Variants in METTL4 observed in about 807,000 individuals in gnomAD.
METTL4 encodes N(6)-adenine-specific methyltransferase METTL4.
In METTL4, 40 loss-of-function variants were observed where a neutral mutation model predicts 54.0. The ratio of observed to expected loss-of-function variants is 0.74; its 90% confidence interval spans 0.58 to 0.96. The LOEUF (loss-of-function observed/expected upper bound fraction) is 0.96, where lower values mean the gene tolerates loss of function less well. Ranked by LOEUF, METTL4 falls within the 50% of genes least tolerant of loss-of-function variation. The pLI is 0.00. For synonymous variants in METTL4, 169 were observed against 183.8 expected (o/e 0.92, Z 0.65); for missense variants, 525 against 549.0 (o/e 0.96, Z 0.44).
chr18:2,565,912 T>C (rs1193305178), intron 2 of METTL4, among the ~76,000 whole-genome samples: 2 of 151,964 alleles, frequency 1.3e-5, no homozygotes, highest in African/African-American at 4.8e-5. Context: ...CCAGGCGTGG[T>C]GGCAAGCGCC....
At chr18:2,557,573 G>C (rs2072257296) in intron 3 of METTL4, among the ~76,000 whole-genome samples, 1 of 152,174 alleles carries the variant, frequency 6.6e-6, no homozygotes, top group African/African-American at 2.4e-5. Flanking sequence ...TCTCCCTCTG[G>C]GGCAAAAGGT....
chr18:2,571,488 G>A lies in METTL4; in HGVS notation c.-778C>T, dbSNP rs959005037. 6.6e-6 allele frequency: 1 copy of A among 152,238 alleles called. No homozygotes were observed. The highest frequency in any genetic ancestry group is 1.5e-5 in the Non-Finnish European group (1 of 68,048). 9.4% of individuals were successfully genotyped at this position (152,238 alleles called of 1,614,324 possible). On this transcript the variant is annotated 5_prime_UTR_variant, in exon 1 of 9. Coordinates refer to ENST00000574538, the MANE Select transcript of METTL4 (RefSeq NM_022840.5). ...CGCGACCAGCACGCAGCCTTCCAGC[G>A]ACGAGGCGGTCGCATGGAAGTTACT... is the stretch of plus-strand genomic sequence containing the variant.
At chr18:2,565,916 A>G (rs555924227) in intron 2 of METTL4, among the ~76,000 whole-genome samples, 32 of 152,028 alleles carry the variant, frequency 2.1e-4, no homozygotes, top group Admixed American at 3.3e-4. Flanking sequence ...GCGTGGTGGC[A>G]AGCGCCTGTA....
At chr18:2,555,714 C>T (rs1165706790) in intron 3 of METTL4, among the ~76,000 whole-genome samples, 1 of 152,102 alleles carries the variant, frequency 6.6e-6, no homozygotes, top group Non-Finnish European at 1.5e-5. Flanking sequence ...CCAAGTTCCC[C>T]TTCTGGACAA....
chr18:2,546,705 G>C (rs2072075141), intron 6 of METTL4, among the ~76,000 whole-genome samples: 1 of 152,096 alleles, frequency 6.6e-6, no homozygotes, highest in African/African-American at 2.4e-5. Flanking sequence ...AAGGAAACCT[G>C]ATGAACTCTA....
At chr18:2,551,371 G>T (rs1305247509) in intron 5 of METTL4, among the ~76,000 whole-genome samples, 1 of 151,898 alleles carries the variant, frequency 6.6e-6, no homozygotes, top group Non-Finnish European at 1.5e-5. Flanking sequence ...ACAGAAAACA[G>T]ATACATGAAT....
In METTL4 at chr18:2,537,828, C is replaced by A; in HGVS notation, c.*1172G>T. 2.5e-6 allele frequency: 1 copy of A among 398,374 alleles called. No homozygotes were observed. Among genetic ancestry groups the A allele is most frequent in the Non-Finnish European group, 4.4e-6 (1 of 225,950 alleles). 24.7% of individuals were successfully genotyped at this position (398,374 alleles called of 1,614,324 possible). ...GCCAGGCACAATAGATTACACATTG[C>A]ATGATTCCATTTATATGAAATTCTC... On this transcript the variant is annotated 3_prime_UTR_variant, in exon 9 of 9. Coordinates refer to ENST00000574538, the MANE Select transcript of METTL4 (RefSeq NM_022840.5).
intron 5 of METTL4, among the ~76,000 whole-genome samples, chr18:2,549,891 G>A (rs1454558261): frequency 1.3e-5 from 2 of 150,634 alleles, no homozygotes; most frequent in Non-Finnish European, 1.5e-5. Flanking sequence ...CTACTCAGGA[G>A]GCTAAGGCAG....
intron 3 of METTL4, among the ~76,000 whole-genome samples, chr18:2,559,969 A>G (rs2072292201): frequency 6.6e-6 from 1 of 152,126 alleles, no homozygotes; most frequent in Admixed American, 6.6e-5. Flanking sequence ...AATTCCTAAC[A>G]TCAAGTGATC....
Position 2,567,373 on chromosome 18 carries a change from AGAGAATTTAT to A in METTL4, c.-167_-158del. The A allele has an allele frequency of 1.9e-6, 1 of 536,280 alleles. No homozygotes were observed. The highest frequency in any genetic ancestry group is 3.7e-5 in the Admixed American group (1 of 26,930). The allele number at this position is 536,280 out of a possible 1,614,324, so 33.2% of individuals were successfully genotyped here. ...TACAAAAACCTGACATGCACATTGA[AGAGAATTTAT>A]CATTCATGATGTTAATATATACAGA... is the stretch of plus-strand genomic sequence containing the variant. On this transcript the variant is annotated 5_prime_UTR_variant, in exon 2 of 9. The change creates a premature stop within an existing upstream ORF in the 5' untranslated region. Transcript: ENST00000574538.
At position 2,567,146 on chromosome 18, in the gene METTL4, T is replaced by G. The variant is rs776880871; in HGVS notation, c.71A>C (p.Tyr24Ser). The G allele has an allele frequency of 1.2e-6, 2 of 1,614,048 alleles. No individual in the cohort carries two copies. The highest frequency in any genetic ancestry group is 1.7e-5 in the Admixed American group (1 of 60,016). The change falls in exon 2 of 9, where the codon TAT becomes TCT. Residue 24 changes from tyrosine to serine, a missense_variant. Physicochemically the swap from Tyr to Ser is moderately radical, Grantham distance 144 (BLOSUM62 -2). Transcript: ENST00000574538. ...AGGTTCATGATGCTGGTGAAGTTGA[T>G]AGTTTATCTTGTTGATAAAAGAAAG... ...DHLSFINKIN[Y>S]QLHQHHEPCC...
chr18:2,567,227 TA>T lies in METTL4; in HGVS notation c.-12del, dbSNP rs1174424172. ...GTGTACCACAGACATTCCCTTCCTT[TA>T]AAAAAGCCTCTGGGAATTAGGAACT... is the stretch of plus-strand genomic sequence containing the variant. On this transcript the variant is annotated 5_prime_UTR_variant, in exon 2 of 9. Coordinates refer to ENST00000574538, the MANE Select transcript of METTL4 (RefSeq NM_022840.5). 1.9e-5 allele frequency: 29 copies of T among 1,549,758 alleles called. No individual in the cohort carries two copies. The highest frequency in any genetic ancestry group is 2.3e-5 in the Non-Finnish European group (26 of 1,151,022).
rs9989505 is a variant in METTL4 at position 2,559,461 on chromosome 18, T to G, written c.459+4336A>C. 8.3e-3 allele frequency among the ~76,000 whole-genome samples: 1,260 copies of G among 152,238 alleles called. 16 individuals are homozygous for G. Among genetic ancestry groups the G allele is most frequent in the African/African-American group, 0.029 (1,186 of 41,534 alleles). On this transcript the variant is annotated intron_variant, in intron 3 of 8. Coordinates refer to ENST00000574538, the MANE Select transcript of METTL4 (RefSeq NM_022840.5). ...AGCAGGGGAAGGGGGAGTGGGGAGT[T>G]ACTATTTAATGTGTAGTTTCAGTTT...
At chr18:2,566,693 C>T (rs936766220) in intron 2 of METTL4, 128 bp downstream of exon 2, 17 of 686,824 alleles carry the variant, frequency 2.5e-5, no homozygotes, top group Middle Eastern at 9.0e-4. Flanking sequence ...TTCAGATATG[C>T]TAAAGCCTTT....
At chr18:2,552,938 G>C in intron 4 of METTL4, 174 bp from the exon 5 acceptor site, 1 of 556,324 alleles carries the variant, frequency 1.8e-6, no homozygotes, top group Non-Finnish European at 3.2e-6. Flanking sequence ...TTAAATATTA[G>C]ATGTTTCCTT....
intron 6 of METTL4, among the ~76,000 whole-genome samples, chr18:2,546,118 A>T (rs1409427650): frequency 2.0e-5 from 3 of 152,146 alleles, no homozygotes; most frequent in Non-Finnish European, 1.5e-5. Context: ...AAAGTACAGC[A>T]TGAAAACAAA....
Position 2,547,526 on chromosome 18 carries a change from G to A in METTL4, c.903C>T (p.Tyr301=). The change falls in exon 6 of 9, where the codon TAC becomes TAT. Residue 301 remains tyrosine, a synonymous_variant. Coordinates refer to ENST00000574538, the MANE Select transcript of METTL4 (RefSeq NM_022840.5). ...GTATTTGCAGGGGTGACAAATAACT[G>A]TACCTAAAAATAAACGGAAAAAAGG... ...QNKSVKRSNR[Y]SYLSPLQIQQ... The A allele has an allele frequency of 6.4e-7, 1 of 1,564,868 alleles. No homozygotes were observed. Among genetic ancestry groups the A allele is most frequent in the Non-Finnish European group, 8.6e-7 (1 of 1,157,930 alleles).
In METTL4 at chr18:2,539,125, T is replaced by G; in HGVS notation, c.1294A>C (p.Lys432Gln). ...AACTCCAAATATTCCCCATCTGGCT[T>G]GATGTAGTCTTTTAAAACCTCTGTT... ...PLAEVLKDYI[K>Q]PDGEYLELFA... is the part of the protein sequence containing the mutation. Residue 432 changes from lysine (K) to glutamine (Q), a missense_variant, in exon 9 of 9, where the codon AAG (lysine) becomes CAG (glutamine). By Grantham distance (53) the Lys-to-Gln change is moderately conservative (BLOSUM62 1). Coordinates refer to ENST00000574538, the MANE Select transcript of METTL4 (RefSeq NM_022840.5). The G allele has an allele frequency of 6.2e-7, 1 of 1,613,736 alleles. No homozygotes were observed. Among genetic ancestry groups the G allele is most frequent in the Non-Finnish European group, 8.5e-7 (1 of 1,179,792 alleles).
intron 1 of METTL4, among the ~76,000 whole-genome samples, chr18:2,570,545 G>A (rs1394976309): frequency 4.6e-5 from 7 of 152,178 alleles, no homozygotes. Context: ...TGTAGGTAAA[G>A]TTTAACCTAA....
Sources: gnomAD v4.1 joint callset for allele counts (sites outside exome capture counted in the v4.1 genomes callset) on GRCh38, gnomAD v4.1.1 for gene constraint, MANE v1.5 for transcripts, NCBI Gene and HGNC (gene_info 2026-07-23, HGNC 2026-07-21) for gene names.